CDKN2B-AS1: variants seen among roughly 807,000 people sequenced by gnomAD.
The protein encoded by CDKN2B-AS1 is CDKN2B antisense RNA 1 (non-protein coding).
At chr9:22,103,179 G>A (rs908155280) in intron 4 of CDKN2B-AS1, among the ~76,000 whole-genome samples, 1 of 134,722 alleles carries the variant, frequency 7.4e-6, no homozygotes, top group African/African-American at 2.6e-5. Context: ...GTGTGTGTGT[G>A]GTGCGTGAAG....
In CDKN2B-AS1 at chr9:22,047,866, A is replaced by C. The variant is rs114731133; in HGVS notation, n.179+966A>C. On this transcript the variant is annotated intron_variant and non_coding_transcript_variant, in intron 2 of 4. Transcript: ENST00000650946. ...CAGTGGCACAATCATGGTTCATTGCAGCCTCAACCTCTTGGGCTATAGTCG... is the reference window on the plus strand; with the variant it reads ...CAGTGGCACAATCATGGTTCATTGCCGCCTCAACCTCTTGGGCTATAGTCG... Among the ~76,000 whole-genome samples, 350 of 151,468 alleles carry C rather than the reference A, an allele frequency of 2.3e-3. 2 individuals carry two copies. The highest frequency in any genetic ancestry group is 7.9e-3 in the African/African-American group (324 of 41,260).
intron 1 of CDKN2B-AS1, chr9:22,004,781 C>A: frequency 4.3e-6 from 1 of 233,126 alleles, no homozygotes; most frequent in Non-Finnish European, 8.5e-6. Flanking sequence ...TAATTTACTG[C>A]ATAAGTGCAT....
chr9:22,057,006 C>T (rs1173110578), intron 4 of CDKN2B-AS1, among the ~76,000 whole-genome samples: 1 of 152,100 alleles, frequency 6.6e-6, no homozygotes, highest in African/African-American at 2.4e-5. Context: ...TAGATTTAGT[C>T]ATTTTTCTTA....
chr9:22,105,804 A>G (rs1301446174), intron 4 of CDKN2B-AS1, among the ~76,000 whole-genome samples: 1 of 152,242 alleles, frequency 6.6e-6, no homozygotes, highest in South Asian at 2.1e-4. Flanking sequence ...AAGACAGCAT[A>G]GTGTAGTCAT....
At chr9:22,094,906 C>T (rs200075434) in intron 4 of CDKN2B-AS1, among the ~76,000 whole-genome samples, 1 of 144,278 alleles carries the variant, frequency 6.9e-6, no homozygotes, top group East Asian at 2.0e-4. Context: ...TTAGAGTTTC[C>T]AGTTTTTCTG....
At chr9:22,083,610 G>GC (rs1824773651) in intron 4 of CDKN2B-AS1, among the ~76,000 whole-genome samples, 1 of 152,214 alleles carries the variant, frequency 6.6e-6, no homozygotes, top group Non-Finnish European at 1.5e-5. Context: ...CACCCTAGGT[G>GC]ATGCTGAAGC....
At chr9:22,002,409 TAAAGCA>T (rs1820958924) in intron 1 of CDKN2B-AS1, among the ~76,000 whole-genome samples, 1 of 151,886 alleles carries the variant, frequency 6.6e-6, no homozygotes, top group Non-Finnish European at 1.5e-5. Flanking sequence ...CCATCTCTGG[TAAAGCA>T]TAAAATGAGT....
chr9:22,022,553 A>G (rs1320347296), intron 1 of CDKN2B-AS1, among the ~76,000 whole-genome samples: 1 of 151,916 alleles, frequency 6.6e-6, no homozygotes, highest in Admixed American at 6.6e-5. Context: ...TGCATGTAAG[A>G]TGGATCTCTT....
chr9:22,031,597 A>G (rs959461285), intron 1 of CDKN2B-AS1, among the ~76,000 whole-genome samples: 14 of 152,184 alleles, frequency 9.2e-5, no homozygotes. Flanking sequence ...AGACCTGATT[A>G]TTTTGTGGTA....
chr9:22,124,013 T>G (rs1826141976), intron 4 of CDKN2B-AS1, among the ~76,000 whole-genome samples: 1 of 151,632 alleles, frequency 6.6e-6, no homozygotes, highest in African/African-American at 2.4e-5. Context: ...TTTGTAAAAC[T>G]TATACAGGTA....
At chr9:22,009,036 C>G in intron 1 of CDKN2B-AS1, 1 of 1,589,712 alleles carries the variant, frequency 6.3e-7, no homozygotes, top group South Asian at 1.1e-5. Context: ...CTTTCCCACG[C>G]TGCTCCGGCG....
intron 1 of CDKN2B-AS1, chr9:22,009,402 C>G (rs577335086): frequency 1.2e-4 from 36 of 302,964 alleles, no homozygotes; most frequent in Non-Finnish European, 1.8e-4. Context: ...CTGTGATCGC[C>G]GGGAGGCCAG....
At chr9:22,124,901 G>A (rs1482866251) in intron 4 of CDKN2B-AS1, among the ~76,000 whole-genome samples, 1 of 152,228 alleles carries the variant, frequency 6.6e-6, no homozygotes, top group Non-Finnish European at 1.5e-5. Context: ...ACACGCAAAT[G>A]AGAATTGTCC....
rs1254936505 is a variant in CDKN2B-AS1, at chr9:21,996,334, G to A, written n.29+1173G>A. On this transcript the variant is annotated intron_variant and non_coding_transcript_variant, in intron 1 of 4. Coordinates refer to ENST00000650946, the Ensembl canonical transcript of CDKN2B-AS1. The surrounding 1 kb of genome is among the most constrained non-coding windows in gnomAD (Gnocchi z 5.4). ...TAGATATTTACAAATGCACCTCCCC[G>A]GTAGGTAGATTTCACTCAGAATTTA... 6.6e-6 allele frequency among the ~76,000 whole-genome samples: 1 copy of A among 152,060 alleles called. No homozygotes were observed. The highest frequency in any genetic ancestry group is 1.5e-5 in the Non-Finnish European group (1 of 68,014).
At chr9:22,057,809 G>GA (rs907832341) in intron 4 of CDKN2B-AS1, among the ~76,000 whole-genome samples, 12 of 146,468 alleles carry the variant, frequency 8.2e-5, no homozygotes, top group African/African-American at 1.5e-4. Flanking sequence ...CCTGTCTTGA[G>GA]AAAAAAAAAA....
At chr9:22,002,756 T>C (rs538427112) in intron 1 of CDKN2B-AS1, 8 of 159,150 alleles carry the variant, frequency 5.0e-5, no homozygotes, top group Non-Finnish European at 1.1e-4. Context: ...CTCTTGAAAC[T>C]GTTTCATTCC....
chr9:22,052,753 G>A (rs563593324), intron 3 of CDKN2B-AS1, among the ~76,000 whole-genome samples: 3 of 152,290 alleles, frequency 2.0e-5, no homozygotes, highest in Non-Finnish European at 2.9e-5. Flanking sequence ...TCCTTTGTTG[G>A]CAACACTTTG....
intron 4 of CDKN2B-AS1, among the ~76,000 whole-genome samples, chr9:22,079,560 G>A (rs1304632774): frequency 6.6e-6 from 1 of 151,924 alleles, no homozygotes; most frequent in African/African-American, 2.4e-5. Flanking sequence ...GGTGTGCTGG[G>A]TCCTGTCCTG....
chr9:22,009,306 G>T (rs1211902055), intron 1 of CDKN2B-AS1: 8 of 434,482 alleles, frequency 1.8e-5, no homozygotes, highest in Non-Finnish European at 2.9e-5. Context: ...CTGGCAGAGT[G>T]GGGAGCCAGC....
Sources: allele counts gnomAD v4.1 joint callset (sites outside exome capture counted in the v4.1 genomes callset), GRCh38; gene constraint gnomAD v4.1.1; non-coding constraint Gnocchi (gnomAD v3.1); transcripts MANE v1.5; gene names NCBI Gene and HGNC (gene_info 2026-07-23, HGNC 2026-07-21).